SLC15A1: variants seen among roughly 807,000 people sequenced by gnomAD.
SLC15A1 encodes Caco-2 oligopeptide transporter.
Under a neutral mutation model 92.9 loss-of-function variants are expected in SLC15A1, and 83 were observed. That is an observed-to-expected ratio of 0.89 (90% confidence interval 0.75 to 1.07). The LOEUF (loss-of-function observed/expected upper bound fraction) is 1.07. Ranked by LOEUF, SLC15A1 falls within the 50% of genes least tolerant of loss-of-function variation. The probability of loss-of-function intolerance (pLI) is 0.00; values close to 1 mark genes in which losing one functional copy is unlikely to be tolerated. For synonymous variants in SLC15A1, 322 were observed against 318.2 expected (o/e 1.01, Z -0.13); for missense variants, 857 against 880.1 (o/e 0.97, Z 0.33).
chr13:98,700,484 C>CAAAAAAAAAAAAAAAAAAAAAAAA (rs56342746), intron 18 of SLC15A1, among the ~76,000 whole-genome samples: 1 of 50,912 alleles, frequency 2.0e-5, no homozygotes, highest in African/African-American at 9.3e-5. Context: ...GACCCTGTCT[C>CAAAAAAAAAAAAAAAAAAAAAAAA]AAAAAAAAAA....
At position 98,728,854 on chromosome 13, in the gene SLC15A1, G is replaced by C. The variant is rs1217150768; in HGVS notation, c.5-1995C>G. 2.2e-4 allele frequency among the ~76,000 whole-genome samples: 34 copies of C among 151,238 alleles called. 1 individual carries two copies. Among genetic ancestry groups the C allele is most frequent in the Admixed American group, 2.2e-3 (33 of 15,164 alleles). The stretch of plus-strand genomic sequence containing the variant: ...AAATTAGCTGGGCATGGTGGCACAC[G>C]CCTGTAATCCCAGTTACTTGGGAGG... On this transcript the variant is annotated intron_variant, in intron 1 of 22. Transcript: ENST00000376503.
At chr13:98,738,486 C>T (rs557520609) in intron 1 of SLC15A1, among the ~76,000 whole-genome samples, 1 of 152,392 alleles carries the variant, frequency 6.6e-6, no homozygotes, top group East Asian at 1.9e-4. Context: ...CCTATGCAGC[C>T]TCAGGACACT....
chr13:98,710,502 A>G (rs1364514514), intron 11 of SLC15A1, among the ~76,000 whole-genome samples: 1 of 152,188 alleles, frequency 6.6e-6, no homozygotes, highest in African/African-American at 2.4e-5. Flanking sequence ...CATCAACTCC[A>G]CTAGAAAGAC....
chr13:98,705,761 A>T (rs1236548509), intron 16 of SLC15A1, among the ~76,000 whole-genome samples: 1 of 152,178 alleles, frequency 6.6e-6, no homozygotes, highest in Admixed American at 6.5e-5. Context: ...GTGTGGTGGC[A>T]CACACCTGTA....
chr13:98,709,795 T>C, intron 12 of SLC15A1, 21 bp from the exon 13 acceptor site: 1 of 1,613,922 alleles, frequency 6.2e-7, no homozygotes, highest in Non-Finnish European at 8.5e-7. Flanking sequence ...AGGAAAACAA[T>C]CTCAGTGAAA....
chr13:98,729,446 A>T (rs888906317), intron 1 of SLC15A1, among the ~76,000 whole-genome samples: 1 of 152,186 alleles, frequency 6.6e-6, no homozygotes, highest in Non-Finnish European at 1.5e-5. Flanking sequence ...GGTGATGTCA[A>T]TGATGCTGGT....
intron 1 of SLC15A1, among the ~76,000 whole-genome samples, chr13:98,736,183 C>T (rs1250611702): frequency 2.6e-5 from 4 of 152,266 alleles, no homozygotes; most frequent in African/African-American, 9.6e-5. Context: ...TCAGTAATAA[C>T]ACCACACATC....
intron 15 of SLC15A1, among the ~76,000 whole-genome samples, chr13:98,707,891 TAAAAAAAAAAAA>T (rs745924829): frequency 0.45 from 47,811 of 106,712 alleles, 11,583 homozygotes; most frequent in Non-Finnish European, 0.57. Context: ...AGACCCTGTT[TAAAAAAAAAAAA>T]AAAAAAAAAA....
chr13:98,693,887 C>G (rs960746775), intron 18 of SLC15A1, among the ~76,000 whole-genome samples: 1 of 152,214 alleles, frequency 6.6e-6, no homozygotes, highest in Non-Finnish European at 1.5e-5. Context: ...ACTGGCTTCC[C>G]TTTGTTCTCA....
intron 1 of SLC15A1, among the ~76,000 whole-genome samples, chr13:98,742,706 C>T (rs1337570535): frequency 6.6e-6 from 1 of 152,198 alleles, no homozygotes; most frequent in Non-Finnish European, 1.5e-5. Context: ...TCCACCTCTG[C>T]CACCATACTC....
chr13:98,744,890 T>C (rs1263828406), intron 1 of SLC15A1, among the ~76,000 whole-genome samples: 2 of 152,162 alleles, frequency 1.3e-5, no homozygotes, highest in Admixed American at 6.5e-5. Flanking sequence ...AAATATTGTG[T>C]GTATTTTAAA....
At chr13:98,714,653 C>CAAAAAAAAAA (rs11378347) in intron 9 of SLC15A1, among the ~76,000 whole-genome samples, 2 of 94,370 alleles carry the variant, frequency 2.1e-5, no homozygotes, top group African/African-American at 4.2e-5. Context: ...GACTCCATCT[C>CAAAAAAAAAA]AAAAAAAAAA....
chr13:98,696,373 A>G (rs1430807207), intron 18 of SLC15A1, among the ~76,000 whole-genome samples: 3 of 152,060 alleles, frequency 2.0e-5, no homozygotes, highest in African/African-American at 7.2e-5. Context: ...AGATGGCACC[A>G]GTGCACTCCA....
intron 21 of SLC15A1, 113 bp from the exon 22 acceptor site, chr13:98,686,410 A>T (rs796085476): frequency 2.8e-6 from 2 of 708,506 alleles, no homozygotes; most frequent in African/African-American, 3.5e-5. Flanking sequence ...TGCACACGAA[A>T]AGTCAGGTGG....
intron 1 of SLC15A1, among the ~76,000 whole-genome samples, chr13:98,739,429 G>A (rs1254029480): frequency 6.6e-6 from 1 of 152,192 alleles, no homozygotes. Context: ...TCAATTGTTG[G>A]AGGTGGGACC....
At chr13:98,690,946 T>C (rs2087970267) in intron 18 of SLC15A1, among the ~76,000 whole-genome samples, 2 of 152,208 alleles carry the variant, frequency 1.3e-5, no homozygotes, top group African/African-American at 4.8e-5. Flanking sequence ...TTGATGTCAA[T>C]GGAATCATTC....
rs753740302 is a variant in SLC15A1, at chr13:98,726,234, A to G, written c.134T>C (p.Ile45Thr). The change falls in exon 4 of 23, where the codon ATC becomes ACC. Residue 45 changes from isoleucine to threonine, a missense_variant. By Grantham distance (89) the Ile-to-Thr change is moderately conservative. Coordinates refer to ENST00000376503, the MANE Select transcript of SLC15A1 (RefSeq NM_005073.4). The stretch of plus-strand genomic sequence containing the variant: ...GGTGGACAGGTTATCATCCCAGCTG[A>G]TGAAATTTGTGAAGTACAGAATCAG... ...AILILYFTNF[I>T]SWDDNLSTAI... 46 of 1,613,994 alleles carry G rather than the reference A, an allele frequency of 2.9e-5. No individual in the cohort carries two copies. Among genetic ancestry groups the G allele is most frequent in the Non-Finnish European group, 3.8e-5 (45 of 1,180,036 alleles).
Position 98,684,842 on chromosome 13 carries a change from T to C in SLC15A1, c.2009A>G (p.Tyr670Cys). The change falls in exon 23 of 23, where the codon TAT becomes TGT. Residue 670 changes from tyrosine to cysteine, a missense_variant. By Grantham distance (194) the Tyr-to-Cys change is radical (BLOSUM62 -2). Transcript: ENST00000376503. Reference protein sequence around the residue: ...CVIFAIMARFYTYINPAEIEA... With the variant: ...CVIFAIMARFCTYINPAEIEA... Reference sequence around the variant, plus strand: ...GATCTCCGCTGGGTTGATGTAAGTATAGAACCGAGCCATGATGGCAAAAAT... The same window carrying C: ...GATCTCCGCTGGGTTGATGTAAGTACAGAACCGAGCCATGATGGCAAAAAT... 1.2e-6 allele frequency: 2 copies of C among 1,614,108 alleles called. No individual in the cohort carries two copies. Among genetic ancestry groups the C allele is most frequent in the Non-Finnish European group, 1.7e-6 (2 of 1,180,000 alleles).
intron 8 of SLC15A1, among the ~76,000 whole-genome samples, chr13:98,718,410 C>T (rs774039335): frequency 3.4e-5 from 5 of 147,474 alleles, no homozygotes; most frequent in Non-Finnish European, 4.4e-5. Flanking sequence ...GCCTCGACCT[C>T]CCAGGCTCAA....
Sources: gnomAD v4.1 joint callset for allele counts (sites outside exome capture counted in the v4.1 genomes callset) on GRCh38, gnomAD v4.1.1 for gene constraint, MANE v1.5 for transcripts, NCBI Gene and HGNC (gene_info 2026-07-23, HGNC 2026-07-21) for gene names.